The following DACH2 variants were observed in gnomAD, a reference collection of about 807,000 sequenced individuals.
DACH2 encodes dachshund homolog 2.
A neutral mutation model predicts 35.8 loss-of-function variants in DACH2; 17 were observed. The ratio of observed to expected loss-of-function variants is 0.48; its 90% CI spans 0.33 to 0.71. The LOEUF (loss-of-function observed/expected upper bound fraction) is 0.71, where lower values mean the gene tolerates loss of function less well. Ranked by LOEUF, DACH2 falls within the 30% of genes least tolerant of loss-of-function variation. DACH2 has a pLI of 0.02. For synonymous variants in DACH2, 195 were observed against 177.3 expected, an observed-to-expected ratio of 1.10 and a Z score of -0.79; for missense variants, 469 against 472.7, an observed-to-expected ratio of 0.99 and a Z score of 0.07.
intron 1 of DACH2, among the ~76,000 whole-genome samples, chrX:86,367,699 C>A (rs1292555715): frequency 9.0e-6 from 1 of 111,283 alleles, no homozygotes. Context: ...TAGTCGGGAC[C>A]AATACCCAAG....
chrX:86,633,057 C>A (rs1383231380), intron 3 of DACH2, among the ~76,000 whole-genome samples: 2 of 108,168 alleles, frequency 1.8e-5, no homozygotes, highest in Admixed American at 9.9e-5. Context: ...AACTCCCAAC[C>A]CAAAGCTAGC....
intron 2 of DACH2, among the ~76,000 whole-genome samples, chrX:86,400,708 G>A (rs768914208): frequency 1.8e-5 from 2 of 111,632 alleles, no homozygotes; most frequent in South Asian, 3.8e-4. Context: ...TTGGTGAACC[G>A]CAAATGCTGC....
At chrX:86,648,369 C>T (rs1471098291) in intron 3 of DACH2, among the ~76,000 whole-genome samples, 1 of 110,898 alleles carries the variant, frequency 9.0e-6, no homozygotes, top group Non-Finnish European at 1.9e-5. Context: ...ATGTATTGCC[C>T]TTTTTATGTA....
intron 2 of DACH2, among the ~76,000 whole-genome samples, chrX:86,461,582 A>G (rs2037574242): frequency 9.0e-6 from 1 of 111,368 alleles, no homozygotes; most frequent in Non-Finnish European, 1.9e-5. Context: ...AAGCTAAACT[A>G]CACCTTCTTT....
At chrX:86,582,225 T>A (rs2039510641) in intron 3 of DACH2, among the ~76,000 whole-genome samples, 1 of 111,103 alleles carries the variant, frequency 9.0e-6, no homozygotes, top group South Asian at 3.7e-4. Flanking sequence ...GAGGAAAATT[T>A]ATAGCACTAA....
At chrX:86,824,403 G>T (rs907956534) in intron 11 of DACH2, among the ~76,000 whole-genome samples, 9 of 111,572 alleles carry the variant, frequency 8.1e-5, no homozygotes, top group Non-Finnish European at 1.3e-4. Flanking sequence ...CCTGAAAATC[G>T]CTGTTATTCT....
At chrX:86,444,533 C>A in intron 2 of DACH2, among the ~76,000 whole-genome samples, 1 of 111,484 alleles carries the variant, frequency 9.0e-6, no homozygotes, top group East Asian at 2.8e-4. Flanking sequence ...ATGATTCAAC[C>A]TTCGTAGGTT....
chrX:86,623,772 G>A (rs372759385), intron 3 of DACH2, among the ~76,000 whole-genome samples: 1 of 98,947 alleles, frequency 1.0e-5, no homozygotes, highest in Non-Finnish European at 2.1e-5. Context: ...AGTGGCGGCC[G>A]GGCGCGGTGG....
chrX:86,667,524 AG>A (rs2040698905), intron 4 of DACH2, among the ~76,000 whole-genome samples: 1 of 62,420 alleles, frequency 1.6e-5, no homozygotes, highest in Admixed American at 1.9e-4. Flanking sequence ...AAAGAAAGAA[AG>A]AAAGAAAGAA....
chrX:86,534,655 T>C (rs1319722623), intron 3 of DACH2, among the ~76,000 whole-genome samples: 1 of 111,721 alleles, frequency 9.0e-6, no homozygotes, highest in East Asian at 2.8e-4. Context: ...TGACCTAGTA[T>C]TCTCTTTCAT....
intron 1 of DACH2, among the ~76,000 whole-genome samples, chrX:86,240,068 C>A (rs2033132805): frequency 9.0e-6 from 1 of 111,708 alleles, no homozygotes; most frequent in Non-Finnish European, 1.9e-5. Context: ...TAATGTCATT[C>A]ACTTCATCTC....
intron 1 of DACH2, among the ~76,000 whole-genome samples, chrX:86,205,905 G>A (rs1291483426): frequency 9.0e-6 from 1 of 110,919 alleles, no homozygotes; most frequent in Non-Finnish European, 1.9e-5. Context: ...TTGTAACTGA[G>A]TTATAACCTA....
intron 1 of DACH2, among the ~76,000 whole-genome samples, chrX:86,287,042 C>T (rs1194545753): frequency 9.0e-6 from 1 of 111,464 alleles, no homozygotes; most frequent in Non-Finnish European, 1.9e-5. Flanking sequence ...CTTCATTTAG[C>T]ATGTCACTTA....
At chrX:86,593,402 TA>T (rs1436619201) in intron 3 of DACH2, among the ~76,000 whole-genome samples, 1 of 52,143 alleles carries the variant, frequency 1.9e-5, no homozygotes, top group East Asian at 1.1e-3. Flanking sequence ...TATATTTTTT[TA>T]TTTTATTTTA....
chrX:86,474,096 T>G (rs1017561681), intron 2 of DACH2, among the ~76,000 whole-genome samples: 1 of 112,040 alleles, frequency 8.9e-6, no homozygotes, highest in Non-Finnish European at 1.9e-5. Flanking sequence ...AGTTTTGATT[T>G]GCATTTCTCC....
At chrX:86,414,058 T>A (rs2036659360) in intron 2 of DACH2, among the ~76,000 whole-genome samples, 1 of 111,279 alleles carries the variant, frequency 9.0e-6, no homozygotes, top group Non-Finnish European at 1.9e-5. Flanking sequence ...AAAGGTTCAC[T>A]GCAAAAATTG....
intron 3 of DACH2, among the ~76,000 whole-genome samples, chrX:86,582,425 TA>T (rs1360244973): frequency 9.0e-6 from 1 of 111,257 alleles, no homozygotes; most frequent in Non-Finnish European, 1.9e-5. Context: ...TTCAGGAGTT[TA>T]TTTTTTTGAA....
intron 3 of DACH2, among the ~76,000 whole-genome samples, chrX:86,520,423 T>C (rs2038535503): frequency 9.0e-6 from 1 of 111,540 alleles, no homozygotes; most frequent in African/African-American, 3.3e-5. Flanking sequence ...CAGACCCAGT[T>C]GGTCCAAAGT....
At chrX:86,366,171 G>C (rs947972149) in intron 1 of DACH2, among the ~76,000 whole-genome samples, 2 of 110,493 alleles carry the variant, frequency 1.8e-5, no homozygotes, top group East Asian at 2.9e-4. Context: ...AAGACCAAAG[G>C]GTCTTCCTTT....
Sources: allele counts gnomAD v4.1 joint callset (sites outside exome capture counted in the v4.1 genomes callset), GRCh38; gene constraint gnomAD v4.1.1; transcripts MANE v1.5; gene names NCBI Gene and HGNC (gene_info 2026-07-23, HGNC 2026-07-21).